Variants in ANK1 observed in about 807,000 individuals in gnomAD.
ANK1 encodes the protein ankyrin-1.
Under a neutral mutation model 210.4 loss-of-function variants are expected in ANK1, and 51 were observed. The observed-to-expected ratio is 0.24, with a 90% CI of 0.19 to 0.31. The LOEUF is 0.31. ANK1 is among the 10% of genes least tolerant of loss of function. The probability of loss-of-function intolerance (pLI) is 1.00; values close to 1 mark genes in which losing one functional copy is unlikely to be tolerated. For missense variants in ANK1, 2,051 were observed against 2,504.4 expected, an observed-to-expected ratio of 0.82 and a Z score of 3.86; for synonymous variants, 967 against 1,025.9, an observed-to-expected ratio of 0.94 and a Z score of 1.10.
At chr8:41,836,989 G>C (rs1194666962) in intron 1 of ANK1, among the ~76,000 whole-genome samples, 2 of 152,070 alleles carry the variant, frequency 1.3e-5, no homozygotes, top group Non-Finnish European at 2.9e-5. Context: ...GCATGGGCCT[G>C]GGGTCCTGGT....
In ANK1 at chr8:41,661,569, A is replaced by G; in HGVS notation, c.5545-5T>C. On this transcript the variant is annotated splice_polypyrimidine_tract_variant and splice_region_variant and intron_variant, in intron 41 of 42. Transcript: ENST00000289734. The stretch of plus-strand genomic sequence containing the variant: ...GCCACTCCCTCTCAGCTCCACCTGC[A>G]GACAGCAGCAGAGACAGAAAGCAGG... 1 of 1,613,836 alleles carries G rather than the reference A, an allele frequency of 6.2e-7. No homozygotes were observed. Among genetic ancestry groups the G allele is most frequent in the East Asian group, 2.2e-5 (1 of 44,878 alleles).
chr8:41,715,637 G>C lies in ANK1; in HGVS notation c.1602+15C>G, dbSNP rs1195582800. The C allele has an allele frequency of 6.2e-7, 1 of 1,612,456 alleles. No homozygotes were observed. The highest frequency in any genetic ancestry group is 2.2e-5 in the East Asian group (1 of 44,884). On this transcript the variant is annotated intron_variant, in intron 14 of 42. Transcript: ENST00000289734. ...AGCCTGTTGCTTCCTTAGACCACGA[G>C]GCGGGAGGCTGTACCTTGGTCATGC...
chr8:41,864,100 A>T (rs927224666), intron 1 of ANK1, among the ~76,000 whole-genome samples: 1 of 152,028 alleles, frequency 6.6e-6, no homozygotes, highest in African/African-American at 2.4e-5. Flanking sequence ...AATACAAAAA[A>T]TTAGCCAGGC....
chr8:41,669,772 C>T lies in ANK1; in HGVS notation c.5097-1208G>A, dbSNP rs1490446992. Among the ~76,000 whole-genome samples, 8 of 152,236 alleles carry T rather than the reference C, an allele frequency of 5.3e-5. No individual in the cohort carries two copies. The South Asian group carries it at 1.0e-3, about 20-fold the overall frequency. On this transcript the variant is annotated intron_variant, in intron 38 of 42. Transcript: ENST00000289734. ...GCTGCCGTCCCAGCCCACAAGCCCA[C>T]GGCCCTTTCCTCCCGACACACCTCC...
At chr8:41,761,526 C>T (rs2150718579) in intron 1 of ANK1, among the ~76,000 whole-genome samples, 1 of 152,314 alleles carries the variant, frequency 6.6e-6, no homozygotes, top group East Asian at 1.9e-4. Flanking sequence ...GGCCCTGAAG[C>T]CCTGGAGGGA....
chr8:41,856,724 G>A (rs1245415740), intron 1 of ANK1, among the ~76,000 whole-genome samples: 1 of 151,966 alleles, frequency 6.6e-6, no homozygotes, highest in Non-Finnish European at 1.5e-5. Context: ...TGGGGTTAGC[G>A]ATGTTCAGTT....
intron 1 of ANK1, among the ~76,000 whole-genome samples, chr8:41,770,463 T>C (rs1444807907): frequency 6.6e-6 from 1 of 152,250 alleles, no homozygotes; most frequent in African/African-American, 2.4e-5. Context: ...CCCAGTCGCA[T>C]TTTGGTACTC....
chr8:41,710,144 T>A (rs1349798840), intron 16 of ANK1, among the ~76,000 whole-genome samples: 1 of 152,164 alleles, frequency 6.6e-6, no homozygotes, highest in Non-Finnish European at 1.5e-5. Context: ...TGGGTTTACA[T>A]TCTGGAGCAC....
At chr8:41,791,829 TC>T (rs1162591029) in intron 1 of ANK1, among the ~76,000 whole-genome samples, 2 of 152,130 alleles carry the variant, frequency 1.3e-5, no homozygotes, top group Non-Finnish European at 2.9e-5. Flanking sequence ...CCACAGAGGC[TC>T]CCCGCTGCCT....
At chr8:41,892,903 C>T (rs991088967) in intron 1 of ANK1, among the ~76,000 whole-genome samples, 3 of 152,160 alleles carry the variant, frequency 2.0e-5, no homozygotes, top group Non-Finnish European at 4.4e-5. Context: ...TTTTCTTTCA[C>T]CATCAGACGA....
At chr8:41,879,626 G>A (rs1175000825) in intron 1 of ANK1, among the ~76,000 whole-genome samples, 3 of 152,178 alleles carry the variant, frequency 2.0e-5, no homozygotes, top group South Asian at 2.1e-4. Context: ...AACTGAAAGA[G>A]GTGCCGCTGG....
chr8:41,694,045 T>C lies in ANK1; in HGVS notation c.3385A>G (p.Ser1129Gly). The change falls in exon 29 of 43, where the codon AGC becomes GGC. Residue 1129 changes from serine (S) to glycine (G), a missense_variant. Physicochemically the swap from Ser to Gly is moderately conservative, Grantham distance 56. Coordinates refer to ENST00000289734, the MANE Select transcript of ANK1 (RefSeq NM_000037.4). This position sits in a 1 kb window ranked among gnomAD's most constrained non-coding sequence, Gnocchi z 5.7. ...TKLLGNQATF[S>G]PIVTVEPRRR... is the part of the protein sequence containing the mutation. ...CGGGGCTCCACGGTGACAATGGGGC[T>C]GAATGTGGCCTGGTTGCCCAGGAGC... 2.5e-6 allele frequency: 4 copies of C among 1,613,952 alleles called. No individual in the cohort carries two copies. The highest frequency in any genetic ancestry group is 3.4e-6 in the Non-Finnish European group (4 of 1,179,930).
At chr8:41,884,848 C>A (rs190844369) in intron 1 of ANK1, among the ~76,000 whole-genome samples, 8 of 152,032 alleles carry the variant, frequency 5.3e-5, no homozygotes, top group African/African-American at 1.9e-4. Flanking sequence ...AATAAACAAA[C>A]AAACAAGGGA....
At chr8:41,853,107 T>A (rs781630059) in intron 1 of ANK1, among the ~76,000 whole-genome samples, 12 of 152,154 alleles carry the variant, frequency 7.9e-5, no homozygotes, top group Non-Finnish European at 1.8e-4. Flanking sequence ...TTGACAGCTA[T>A]GAGATTCCCC....
At chr8:41,700,844 C>CCTCAAGCTCCTGGA (rs1396011234) in intron 22 of ANK1, among the ~76,000 whole-genome samples, 2 of 152,132 alleles carry the variant, frequency 1.3e-5, no homozygotes, top group African/African-American at 4.8e-5. Flanking sequence ...CTCACTGCAG[C>CCTCAAGCTCCTGGA]CTCAAGCTCC....
At position 41,727,174 on chromosome 8, in the gene ANK1, A is replaced by G; in HGVS notation, c.426+76T>C. On this transcript the variant is annotated intron_variant, in intron 5 of 42. Coordinates refer to ENST00000289734, the MANE Select transcript of ANK1 (RefSeq NM_000037.4). ...ATGGATGCACCCCAAGCCACATCCC[A>G]GGTAGGTGTCACCTGAAGCAAGGTT... The G allele has an allele frequency of 7.1e-6, 8 of 1,127,866 alleles. No individual in the cohort carries two copies. In the South Asian group the frequency reaches 1.0e-4, roughly 14 times the overall value. 69.9% of individuals were successfully genotyped at this position (1,127,866 alleles called of 1,614,324 possible). A position where few individuals can be genotyped will look rare whatever the true frequency, so the allele number is the denominator to read the frequency against.
chr8:41,875,113 A>T (rs1351588511), intron 1 of ANK1, among the ~76,000 whole-genome samples: 1 of 152,136 alleles, frequency 6.6e-6, no homozygotes, highest in Admixed American at 6.5e-5. Context: ...GTACGGGATG[A>T]CCGGGTTCCC....
chr8:41,668,869 T>G (rs1811386776), intron 38 of ANK1, among the ~76,000 whole-genome samples: 1 of 152,018 alleles, frequency 6.6e-6, no homozygotes, highest in South Asian at 2.1e-4. Flanking sequence ...ACCCTAATGG[T>G]CCAAACACTG....
At chr8:41,791,194 GTTTTTTTTTTTTTTT>G (rs71239082) in intron 1 of ANK1, among the ~76,000 whole-genome samples, 1 of 70,120 alleles carries the variant, frequency 1.4e-5, no homozygotes, top group Admixed American at 2.1e-4. Flanking sequence ...TACTAACTTT[GTTTTTTTTTTTTTTT>G]TTTTTTTTTT....
Sources: allele counts gnomAD v4.1 joint callset (sites outside exome capture counted in the v4.1 genomes callset), GRCh38; gene constraint gnomAD v4.1.1; non-coding constraint Gnocchi (gnomAD v3.1); transcripts MANE v1.5; gene names NCBI Gene and HGNC (gene_info 2026-07-23, HGNC 2026-07-21).